HERC3: variants seen among roughly 807,000 people sequenced by gnomAD.
HERC3 encodes HECT and RLD domain containing E3 ubiquitin protein ligase 3.
A neutral mutation model predicts 129.9 loss-of-function variants in HERC3; 58 were observed. That is an observed-to-expected ratio of 0.45 (90% confidence interval 0.36 to 0.56). HERC3 has a LOEUF of 0.56. Among genes scored for constraint, HERC3 ranks in the 20% least tolerant of loss-of-function variants. The pLI is 0.00. For missense variants in HERC3, 835 were observed against 1,244.2 expected, an observed-to-expected ratio of 0.67 and a Z score of 4.95; for synonymous variants, 430 against 451.0, an observed-to-expected ratio of 0.95 and a Z score of 0.59.
the HERC3 span, among the ~76,000 whole-genome samples, chr4:88,551,280 A>T: frequency 5.9e-5 from 9 of 151,974 alleles, no homozygotes; most frequent in South Asian, 1.9e-3. Context: ...AAAATTGACA[A>T]ATGGGATCTA....
intron 18 of HERC3, among the ~76,000 whole-genome samples, chr4:88,677,376 A>G (rs966412529): frequency 1.1e-4 from 17 of 152,150 alleles, no homozygotes; most frequent in African/African-American, 3.1e-4. Flanking sequence ...ACGTTTGTGA[A>G]TTAGCGGCTC....
At chr4:88,619,818 G>T (rs1477519734) in intron 3 of HERC3, among the ~76,000 whole-genome samples, 2 of 152,104 alleles carry the variant, frequency 1.3e-5, no homozygotes, top group Admixed American at 6.6e-5. Context: ...GCTTGCAAAT[G>T]GCCAGTGAAT....
chr4:88,652,246 A>G (rs565940188), intron 5 of HERC3, among the ~76,000 whole-genome samples, 158 bp downstream of exon 5: 244 of 152,304 alleles, frequency 1.6e-3, no homozygotes, highest in Middle Eastern at 3.4e-3. Context: ...GGCTTTGCAT[A>G]GCTCATCCTT....
chr4:88,547,180 ACTACT>A, the HERC3 span, among the ~76,000 whole-genome samples: 7 of 152,334 alleles, frequency 4.6e-5, no homozygotes, highest in African/African-American at 1.7e-4. Context: ...ATAAAATATC[ACTACT>A]CTAGTGAAAT....
rs548137200 is a variant in HERC3, at chr4:88,695,221, C to T, written c.2657+7922C>T. Among the ~76,000 whole-genome samples the T allele has an allele frequency of 3.3e-5, 5 of 152,224 alleles. No homozygotes were observed. The South Asian group carries it at 1.0e-3, about 32-fold the overall frequency. On this transcript the variant is annotated intron_variant, in intron 23 of 25. Transcript: ENST00000402738. ...TTGGCCTGAGCATAATGAAGATTAA[C>T]TTTACCTTAAGGTTGTTTGTACTCA...
chr4:88,685,520 T>C (rs918819252), intron 21 of HERC3, among the ~76,000 whole-genome samples: 2 of 152,200 alleles, frequency 1.3e-5, no homozygotes, highest in African/African-American at 4.8e-5. Flanking sequence ...CACCGCATGT[T>C]CTCACTTATA....
intron 16 of HERC3, among the ~76,000 whole-genome samples, chr4:88,674,743 C>A (rs1444374207): frequency 2.0e-5 from 3 of 152,054 alleles, no homozygotes; most frequent in Non-Finnish European, 4.4e-5. Flanking sequence ...GATATGTAGG[C>A]ATGAGAGTGA....
intron 2 of HERC3, among the ~76,000 whole-genome samples, 170 bp from the exon 3 acceptor site, chr4:88,605,625 A>G (rs1212019717): frequency 6.6e-6 from 1 of 152,240 alleles, no homozygotes; most frequent in Non-Finnish European, 1.5e-5. Flanking sequence ...AAATAGCATC[A>G]TTATAACATA....
intron 23 of HERC3, chr4:88,693,486 A>G: frequency 2.1e-6 from 2 of 973,564 alleles, no homozygotes; most frequent in Non-Finnish European, 2.4e-6. Flanking sequence ...TACATAGTCT[A>G]CACAGTATTG....
intron 16 of HERC3, among the ~76,000 whole-genome samples, chr4:88,671,167 A>T (rs908511332): frequency 2.6e-5 from 4 of 152,064 alleles, no homozygotes; most frequent in Non-Finnish European, 5.9e-5. Context: ...GCTCTTTAGG[A>T]TCTCCCATCT....
chr4:88,637,055 G>C (rs1560703099), intron 3 of HERC3, among the ~76,000 whole-genome samples: 1 of 152,022 alleles, frequency 6.6e-6, no homozygotes, highest in Non-Finnish European at 1.5e-5. Flanking sequence ...CTTGAATCCG[G>C]GAGGCAGAGG....
At chr4:88,616,442 G>A (rs1290945514) in intron 3 of HERC3, among the ~76,000 whole-genome samples, 2 of 152,184 alleles carry the variant, frequency 1.3e-5, no homozygotes, top group African/African-American at 4.8e-5. Context: ...CCAGTTAGCT[G>A]GGTAGTATGA....
At chr4:88,573,936 G>A in the HERC3 span, among the ~76,000 whole-genome samples, 1 of 152,134 alleles carries the variant, frequency 6.6e-6, no homozygotes, top group Admixed American at 6.5e-5. Context: ...TGTCAGAAAT[G>A]GAATGATCCT....
intron 1 of HERC3, among the ~76,000 whole-genome samples, chr4:88,592,829 GGT>G (rs1721860234): frequency 1.3e-5 from 2 of 152,004 alleles, no homozygotes; most frequent in African/African-American, 4.8e-5. Flanking sequence ...CTCGCCCTCC[GGT>G]CAGAGAGCCC....
chr4:88,700,649 C>G (rs1030627700), intron 23 of HERC3, among the ~76,000 whole-genome samples: 11 of 151,778 alleles, frequency 7.2e-5, no homozygotes, highest in African/African-American at 1.9e-4. Flanking sequence ...GTACCGAAAT[C>G]TATATGTCAG....
the HERC3 span, among the ~76,000 whole-genome samples, chr4:88,551,009 A>G: frequency 2.7e-5 from 4 of 148,348 alleles, no homozygotes. Flanking sequence ...ATCTTTGACA[A>G]ACCTGAGAAA....
chr4:88,534,654 T>A, the HERC3 span, among the ~76,000 whole-genome samples: 1 of 152,176 alleles, frequency 6.6e-6, no homozygotes, highest in Non-Finnish European at 1.5e-5. Context: ...GGCATTAACA[T>A]GATTTTAAAA....
chr4:88,620,152 CAG>C (rs527239985), intron 3 of HERC3, among the ~76,000 whole-genome samples: 3 of 152,258 alleles, frequency 2.0e-5, no homozygotes, highest in East Asian at 3.9e-4. Flanking sequence ...GGCAAAATAA[CAG>C]AAATAGCTTA....
chr4:88,673,719 A>C (rs923425717), intron 16 of HERC3, among the ~76,000 whole-genome samples: 1 of 152,210 alleles, frequency 6.6e-6, no homozygotes, highest in South Asian at 2.1e-4. Context: ...ACAATTTCTA[A>C]AATATTCAGT....
Sources: allele counts gnomAD v4.1 joint callset (sites outside exome capture counted in the v4.1 genomes callset), GRCh38; gene constraint gnomAD v4.1.1; transcripts MANE v1.5; gene names NCBI Gene and HGNC (gene_info 2026-07-23, HGNC 2026-07-21).